MCPH1: variants seen among roughly 807,000 people sequenced by gnomAD.
MCPH1 encodes microcephalin 1.
In MCPH1, 104 loss-of-function variants were observed where a neutral mutation model predicts 84.5. The observed-to-expected ratio is 1.23, with a 90% CI of 1.05 to 1.45. The LOEUF is 1.45. MCPH1 is among the 40% of genes most tolerant of loss of function. MCPH1 has a pLI of 0.00. For missense variants in MCPH1, 1,498 were observed against 1,005.7 expected (o/e 1.49, Z -6.62); for synonymous variants, 514 against 366.8 (o/e 1.40, Z -4.58).
At chr8:6,482,826 A>G (rs1240665613) in intron 11 of MCPH1, among the ~76,000 whole-genome samples, 1 of 152,208 alleles carries the variant, frequency 6.6e-6, no homozygotes, top group Non-Finnish European at 1.5e-5. Flanking sequence ...ATTAAAACAC[A>G]TTATTTAATA....
At chr8:6,542,562 C>G (rs1452355021) in intron 12 of MCPH1, among the ~76,000 whole-genome samples, 1 of 151,810 alleles carries the variant, frequency 6.6e-6, no homozygotes, top group Non-Finnish European at 1.5e-5. Flanking sequence ...CCCCATCCCG[C>G]ACTCTCATCG....
intron 9 of MCPH1, among the ~76,000 whole-genome samples, chr8:6,464,482 G>C (rs963453127): frequency 4.6e-5 from 7 of 152,176 alleles, no homozygotes; most frequent in African/African-American, 1.7e-4. Flanking sequence ...TGTTTTATTT[G>C]TTCACTAACT....
intron 12 of MCPH1, among the ~76,000 whole-genome samples, chr8:6,586,543 G>C (rs952880648): frequency 6.6e-6 from 1 of 152,124 alleles, no homozygotes; most frequent in Non-Finnish European, 1.5e-5. Flanking sequence ...AGCAGTTATT[G>C]AGCATCTACC....
rs1824915733 is a variant in MCPH1 at position 6,557,951 on chromosome 8, A to T, written c.2214+58022A>T. Among the ~76,000 whole-genome samples the T allele has an allele frequency of 5.3e-5, 8 of 152,092 alleles. No individual in the cohort carries two copies. In the South Asian group the frequency reaches 1.7e-3, roughly 32 times the overall value. On this transcript the variant is annotated intron_variant, in intron 12 of 13. Transcript: ENST00000344683. ...CACCTCCTTTCTTCCCTGTCAAAAC[A>T]GTTGTGCCACGTCCTCCCCCTCTTC...
intron 12 of MCPH1, among the ~76,000 whole-genome samples, chr8:6,545,914 T>TA (rs1201648212): frequency 7.9e-5 from 12 of 152,336 alleles, no homozygotes; most frequent in Middle Eastern, 6.8e-3. Context: ...AGACATAGTA[T>TA]AAAAAACTGA....
chr8:6,640,657 C>G (rs565384165), intron 13 of MCPH1, among the ~76,000 whole-genome samples: 1 of 152,086 alleles, frequency 6.6e-6, no homozygotes, highest in Non-Finnish European at 1.5e-5. Flanking sequence ...TAAGTATTAC[C>G]AAGTTTTTAA....
chr8:6,444,272 G>A, intron 7 of MCPH1, 121 bp from the exon 8 acceptor site: 1 of 1,117,934 alleles, frequency 8.9e-7, no homozygotes, highest in Non-Finnish European at 1.3e-6. Flanking sequence ...ACTCAAGTGT[G>A]GTTAATAGTC....
In MCPH1 at chr8:6,613,674, G is replaced by A. The variant is rs150348078; in HGVS notation, c.2215-7780G>A. On this transcript the variant is annotated intron_variant, in intron 12 of 13. Coordinates refer to ENST00000344683, the MANE Select transcript of MCPH1 (RefSeq NM_024596.5). ...ACCTGTGGATGTCCTGAGACTTCCA[G>A]GAAGTGGGACAGGATCAGTGATGGA... Among the ~76,000 whole-genome samples the A allele has an allele frequency of 3.2e-3, 485 of 152,260 alleles. 3 individuals are homozygous for A. The highest frequency in any genetic ancestry group is 4.4e-3 in the Non-Finnish European group (301 of 68,010).
chr8:6,479,002 C>T (rs768557667), intron 10 of MCPH1, among the ~76,000 whole-genome samples: 7 of 152,180 alleles, frequency 4.6e-5, no homozygotes, highest in Non-Finnish European at 5.9e-5. Flanking sequence ...TGTTGGTTCA[C>T]GGCTATAATC....
At chr8:6,501,724 T>G (rs998263645) in intron 12 of MCPH1, 9 of 151,882 alleles carry the variant, frequency 5.9e-5, no homozygotes, top group Non-Finnish European at 1.3e-4. Flanking sequence ...CCTGGCTAAT[T>G]TTTGTATTAT....
rs547703213 is a variant in MCPH1 at position 6,489,000 on chromosome 8, A to G, written c.2136+8124A>G. ...GAGAAGTCAAGAAGACTCCCACCCA[A>G]ATTTTTTCCTGGGGCGACTAACTAT... On this transcript the variant is annotated intron_variant, in intron 11 of 13. Coordinates refer to ENST00000344683, the MANE Select transcript of MCPH1 (RefSeq NM_024596.5). Among the ~76,000 whole-genome samples, 10 of 152,140 alleles carry G rather than the reference A, an allele frequency of 6.6e-5. No homozygotes were observed. In the South Asian group the frequency reaches 8.3e-4, roughly 13 times the overall value.
chr8:6,434,749 C>T (rs1253873743), intron 4 of MCPH1, among the ~76,000 whole-genome samples: 2 of 152,112 alleles, frequency 1.3e-5, no homozygotes, highest in Non-Finnish European at 2.9e-5. Flanking sequence ...AAGAAGTTAG[C>T]GTTTACGTGG....
chr8:6,631,552 C>T (rs1479830926), intron 13 of MCPH1, among the ~76,000 whole-genome samples: 1 of 151,042 alleles, frequency 6.6e-6, no homozygotes, highest in Admixed American at 6.6e-5. Context: ...GTCCAATAGG[C>T]AAATGAAAAG....
intron 8 of MCPH1, 149 bp downstream of exon 8, chr8:6,445,696 A>T (rs1426351871): frequency 7.0e-7 from 1 of 1,431,838 alleles, no homozygotes; most frequent in African/African-American, 1.4e-5. Context: ...CATTCCAATG[A>T]TAAACTCTTT....
chr8:6,599,068 T>C (rs985896508), intron 12 of MCPH1, among the ~76,000 whole-genome samples: 4 of 152,188 alleles, frequency 2.6e-5, no homozygotes, highest in African/African-American at 9.7e-5. Context: ...AAAGTCCTGA[T>C]AAAAGTGAAA....
chr8:6,461,696 A>T (rs1410951313), intron 9 of MCPH1, among the ~76,000 whole-genome samples: 2 of 152,186 alleles, frequency 1.3e-5, no homozygotes, highest in East Asian at 1.9e-4. Context: ...CTGTAATCTT[A>T]GCTTGCAGCA....
chr8:6,482,112 T>C (rs1264636648), intron 11 of MCPH1, among the ~76,000 whole-genome samples: 2 of 152,134 alleles, frequency 1.3e-5, no homozygotes, highest in Non-Finnish European at 2.9e-5. Context: ...TTTTGCAGTG[T>C]TTGTCTTCAA....
chr8:6,457,704 G>C (rs1375716231), intron 9 of MCPH1, among the ~76,000 whole-genome samples: 6 of 152,170 alleles, frequency 3.9e-5, no homozygotes, highest in Non-Finnish European at 8.8e-5. Context: ...AACGTGGAGG[G>C]GACGAACACC....
At chr8:6,571,707 G>T (rs1053780973) in intron 12 of MCPH1, among the ~76,000 whole-genome samples, 2 of 152,042 alleles carry the variant, frequency 1.3e-5, no homozygotes, top group Non-Finnish European at 2.9e-5. Flanking sequence ...TTATGTCAAA[G>T]AAGTAAAAAA....
Sources: allele counts gnomAD v4.1 joint callset (sites outside exome capture counted in the v4.1 genomes callset), GRCh38; gene constraint gnomAD v4.1.1; transcripts MANE v1.5; gene names NCBI Gene and HGNC (gene_info 2026-07-23, HGNC 2026-07-21).